VMP1: variants seen among roughly 807,000 people sequenced by gnomAD.
The protein encoded by VMP1 is vacuole membrane protein 1.
VMP1 carries 11 observed loss-of-function variants against 56.0 expected under a neutral mutation model. The observed-to-expected ratio is 0.20, with a 90% CI of 0.12 to 0.32. VMP1 has a LOEUF of 0.32. Among genes scored for constraint, VMP1 ranks in the 10% least tolerant of loss-of-function variants. The probability of loss-of-function intolerance (pLI) is 1.00; values close to 1 mark genes in which losing one functional copy is unlikely to be tolerated. For missense variants in VMP1, 296 were observed against 490.3 expected (o/e 0.60, Z 3.74); for synonymous variants, 149 against 165.0 (o/e 0.90, Z 0.74).
At chr17:59,782,866 A>C (rs1248079792) in intron 7 of VMP1, among the ~76,000 whole-genome samples, 1 of 152,182 alleles carries the variant, frequency 6.6e-6, no homozygotes, top group Non-Finnish European at 1.5e-5. Context: ...TTGCTTTGCC[A>C]TGTGCTTTCC....
chr17:59,789,361 C>T (rs113062935), intron 7 of VMP1, among the ~76,000 whole-genome samples: 11,433 of 151,558 alleles, frequency 0.075, 592 homozygotes, highest in Non-Finnish European at 0.12. Flanking sequence ...ATGGTGAAAC[C>T]CCATCTCTAC....
chr17:59,811,672 T>C lies in VMP1; in HGVS notation c.798T>C (p.Ile266=), dbSNP rs925756050. 5.6e-6 allele frequency: 9 copies of C among 1,607,840 alleles called. No individual in the cohort carries two copies. The highest frequency in any genetic ancestry group is 7.7e-6 in the Non-Finnish European group (9 of 1,175,512). The stretch of plus-strand genomic sequence containing the variant: ...AGTCCTTCTTTTTCTCTCTATAGAT[T>C]CCAAATCCTTTATTTGATCTGGCTG... ...GFFGILACAS[I]PNPLFDLAGI... The change falls in exon 9 of 12, where the codon ATT becomes ATC. Residue 266 remains isoleucine, a splice_region_variant and synonymous_variant. Coordinates refer to ENST00000262291, the MANE Select transcript of VMP1 (RefSeq NM_030938.5).
intron 7 of VMP1, among the ~76,000 whole-genome samples, chr17:59,797,139 C>G (rs2037463747): frequency 6.9e-6 from 1 of 145,824 alleles, no homozygotes; most frequent in South Asian, 2.3e-4. Context: ...CCAGACCAGC[C>G]TGGCCAGCAT....
At position 59,839,908 on chromosome 17, in the gene VMP1, A is replaced by G; in HGVS notation, c.1218A>G (p.Lys406=). The G allele has an allele frequency of 1.9e-6, 3 of 1,610,762 alleles. No individual in the cohort carries two copies. The highest frequency in any genetic ancestry group is 2.5e-6 in the Non-Finnish European group (3 of 1,179,396). Residue 406 remains lysine, a synonymous_variant, in exon 12 of 12, where the codon AAA becomes AAG. Transcript: ENST00000262291. The part of the protein sequence containing the change: ...QQRLNSEEKT[K] ...GGTTGAACTCAGAGGAGAAAACTAA[A>G]TAAGTAGAGAAAGTTTTAAACTGCA...
chr17:59,745,960 A>T (rs2035408941), intron 5 of VMP1, among the ~76,000 whole-genome samples: 1 of 152,190 alleles, frequency 6.6e-6, no homozygotes, highest in African/African-American at 2.4e-5. Flanking sequence ...AAAATTTCCC[A>T]ATTAGGTTTT....
At chr17:59,794,517 A>ATTTTT (rs71145572) in intron 7 of VMP1, among the ~76,000 whole-genome samples, 1 of 43,112 alleles carries the variant, frequency 2.3e-5, no homozygotes, top group Non-Finnish European at 3.7e-5. Context: ...CGCGCCCTGC[A>ATTTTT]TTTTTTTTTT....
chr17:59,763,638 A>G (rs1157628718), intron 5 of VMP1, among the ~76,000 whole-genome samples: 1 of 152,178 alleles, frequency 6.6e-6, no homozygotes, highest in East Asian at 1.9e-4. Context: ...AAATTTTATT[A>G]TCTTGATAGT....
At chr17:59,741,540 AGT>A (rs1272054412) in intron 5 of VMP1, among the ~76,000 whole-genome samples, 1 of 152,212 alleles carries the variant, frequency 6.6e-6, no homozygotes, top group Non-Finnish European at 1.5e-5. Flanking sequence ...TACAATCAAG[AGT>A]GTGGTACGTT....
intron 7 of VMP1, among the ~76,000 whole-genome samples, chr17:59,780,085 C>G (rs542174065): frequency 2.5e-4 from 38 of 152,260 alleles, no homozygotes; most frequent in Non-Finnish European, 4.7e-4. Flanking sequence ...TCTGATACCA[C>G]TTTTTCTTTG....
chr17:59,827,681 G>A (rs2038685477), intron 10 of VMP1, among the ~76,000 whole-genome samples: 1 of 149,170 alleles, frequency 6.7e-6, no homozygotes, highest in East Asian at 2.1e-4. Context: ...CTGCCACCAG[G>A]CCCACTCACA....
intron 7 of VMP1, among the ~76,000 whole-genome samples, chr17:59,776,740 A>C (rs1310063691): frequency 1.3e-5 from 2 of 152,214 alleles, no homozygotes; most frequent in Non-Finnish European, 2.9e-5. Flanking sequence ...GGCACTAACT[A>C]ATGTATGTCA....
intron 8 of VMP1, among the ~76,000 whole-genome samples, chr17:59,809,954 G>A (rs2037999494): frequency 6.6e-6 from 1 of 152,054 alleles, no homozygotes; most frequent in Non-Finnish European, 1.5e-5. Flanking sequence ...TTCTTCCAAT[G>A]AAGAATATAC....
At chr17:59,788,487 CA>C (rs1054330878) in intron 7 of VMP1, among the ~76,000 whole-genome samples, 48 of 129,418 alleles carry the variant, frequency 3.7e-4, no homozygotes, top group South Asian at 3.0e-3. Flanking sequence ...ACTCAGTCTC[CA>C]AAAAAAAAAG....
intron 7 of VMP1, among the ~76,000 whole-genome samples, chr17:59,800,627 C>T (rs2037605044): frequency 6.6e-6 from 1 of 152,170 alleles, no homozygotes; most frequent in African/African-American, 2.4e-5. Context: ...TGCCACATAA[C>T]AGCCTTTCAG....
At chr17:59,772,227 G>A (rs1308272637) in intron 6 of VMP1, among the ~76,000 whole-genome samples, 2 of 151,814 alleles carry the variant, frequency 1.3e-5, no homozygotes, top group South Asian at 4.2e-4. Context: ...CTGAGCTCAG[G>A]CAGTTCACCC....
chr17:59,790,144 A>G (rs1037936913), intron 7 of VMP1, among the ~76,000 whole-genome samples: 10 of 152,084 alleles, frequency 6.6e-5, no homozygotes, highest in Non-Finnish European at 1.3e-4. Flanking sequence ...TTTGGCTCCA[A>G]TCTGCAGTTC....
intron 10 of VMP1, among the ~76,000 whole-genome samples, chr17:59,827,059 T>A: frequency 6.6e-6 from 1 of 152,198 alleles, no homozygotes; most frequent in East Asian, 1.9e-4. Flanking sequence ...TTTAAGTGCA[T>A]TTTTTCCCCT....
At chr17:59,765,645 C>T (rs920819667) in intron 6 of VMP1, among the ~76,000 whole-genome samples, 5 of 151,978 alleles carry the variant, frequency 3.3e-5, no homozygotes, top group South Asian at 2.1e-4. Context: ...TAAGTGGAAA[C>T]GGATCATCAT....
At chr17:59,803,933 T>A (rs1435732246) in intron 7 of VMP1, among the ~76,000 whole-genome samples, 2 of 141,434 alleles carry the variant, frequency 1.4e-5, no homozygotes, top group African/African-American at 2.4e-5. Flanking sequence ...AAATTTTTTT[T>A]AATTTTATAA....
Sources: allele counts gnomAD v4.1 joint callset (sites outside exome capture counted in the v4.1 genomes callset), GRCh38; gene constraint gnomAD v4.1.1; transcripts MANE v1.5; gene names NCBI Gene and HGNC (gene_info 2026-07-23, HGNC 2026-07-21).